The following COL18A1 variants were observed in gnomAD, a reference collection of about 807,000 sequenced individuals.
COL18A1 encodes the protein collagen alpha-1(XVIII) chain.
In COL18A1, 133 loss-of-function variants were observed where a neutral mutation model predicts 168.0. That is an observed-to-expected ratio of 0.79 (90% CI 0.69 to 0.91). The LOEUF is 0.91. Among genes scored for constraint, COL18A1 ranks in the 40% least tolerant of loss-of-function variants. The probability of loss-of-function intolerance (pLI) is 0.00; values close to 1 mark genes in which losing one functional copy is unlikely to be tolerated. For synonymous variants in COL18A1, 949 were observed against 809.0 expected (o/e 1.17, Z -2.94); for missense variants, 2,126 against 1,925.4 (o/e 1.10, Z -1.95).
intron 9 of COL18A1, among the ~76,000 whole-genome samples, chr21:45,479,183 TGTG>T (rs1435971515): frequency 2.2e-5 from 3 of 137,266 alleles, no homozygotes; most frequent in East Asian, 2.1e-4. Context: ...TGCGCGTGTG[TGTG>T]GGGGGGTGAG....
Position 45,468,704 on chromosome 21 carries a change from G to A in COL18A1, c.569G>A (p.Arg190Gln), listed in dbSNP as rs773316683. The change falls in exon 3 of 42, where the codon CGG becomes CAG. Residue 190 changes from arginine (R) to glutamine (Q), a missense_variant. Coordinates refer to ENST00000651438, the MANE Select transcript of COL18A1 (RefSeq NM_001379500.1). The part of the protein sequence containing the change: ...CEEFQRMPLA[R>Q]SSRGLELEPG... The stretch of plus-strand genomic sequence containing the variant: ...GAGTTCCAGAGAATGCCGCTTGCTC[G>A]GTCCTCACGGGGCCTGGAGCTGGAG... 2.0e-5 allele frequency: 33 copies of A among 1,613,038 alleles called. No individual in the cohort carries two copies. The highest frequency in any genetic ancestry group is 3.3e-5 in the Admixed American group (2 of 60,006).
At chr21:45,465,404 G>A (rs2035166667) in intron 2 of COL18A1, among the ~76,000 whole-genome samples, 2 of 152,188 alleles carry the variant, frequency 1.3e-5, no homozygotes, top group African/African-American at 4.8e-5. Context: ...CTGCAGCCTT[G>A]GGATTTGGTG....
intron 2 of COL18A1, among the ~76,000 whole-genome samples, chr21:45,459,709 C>A (rs1602434514): frequency 6.6e-6 from 1 of 152,222 alleles, no homozygotes; most frequent in East Asian, 1.9e-4. Context: ...GGGAGTGAGG[C>A]CCCCTCACAC....
rs1323763309 is a variant in COL18A1, at chr21:45,406,275, A to G, written c.106+802A>G. On this transcript the variant is annotated intron_variant, in intron 2 of 41. Transcript: ENST00000651438. ...GGCCTGGGTGCCTTGTCGCGGGTGG[A>G]ATCCCACCCGGGGGTCCACGCAGCC... 2.0e-5 allele frequency among the ~76,000 whole-genome samples: 3 copies of G among 152,086 alleles called. No individual in the cohort carries two copies. In the East Asian group the frequency reaches 5.8e-4, roughly 30 times the overall value.
At position 45,512,284 on chromosome 21, in the gene COL18A1, G is replaced by A. The variant is rs765311365; in HGVS notation, c.3906G>A (p.Thr1302=). ...GGCGGACGGAGGCTCCCTCGGCCAC[G>A]GGCCAGGCCTCCTCGCTGCTGGGGG... ...ETWRTEAPSA[T]GQASSLLGGR... is the part of the protein sequence containing the mutation. Residue 1302 remains threonine, a synonymous_variant, in exon 42 of 42, where the codon ACG becomes ACA. Coordinates refer to ENST00000651438, the MANE Select transcript of COL18A1 (RefSeq NM_001379500.1). 34 of 1,611,876 alleles carry A rather than the reference G, an allele frequency of 2.1e-5. No homozygotes were observed. Among genetic ancestry groups the A allele is most frequent in the Admixed American group, 1.5e-4 (9 of 59,920 alleles).
chr21:45,416,837 TCCCTCGTTCTGCATA>T (rs2033463294), intron 2 of COL18A1, among the ~76,000 whole-genome samples: 1 of 150,602 alleles, frequency 6.6e-6, no homozygotes, highest in Non-Finnish European at 1.5e-5. Context: ...ACTCTTCCCT[TCCCTCGTTCTGCATA>T]TGCTCGTTCT....
intron 20 of COL18A1, among the ~76,000 whole-genome samples, chr21:45,490,585 C>T (rs1044992761): frequency 0.013 from 1,747 of 134,716 alleles, 18 homozygotes; most frequent in Middle Eastern, 0.042. Context: ...GGTCCCTGGG[C>T]CTCCGTGTGC....
chr21:45,476,935 G>C (rs577741875), intron 6 of COL18A1, among the ~76,000 whole-genome samples: 10 of 151,922 alleles, frequency 6.6e-5, no homozygotes, highest in African/African-American at 1.9e-4. Flanking sequence ...GTGTGTGTGT[G>C]TGTGTGTGTG....
chr21:45,502,922 C>T (rs1485476240), intron 32 of COL18A1: 1 of 152,150 alleles, frequency 6.6e-6, no homozygotes, highest in Non-Finnish European at 1.5e-5. Flanking sequence ...AGTCAATGTA[C>T]CGAAGTCACC....
Position 45,494,552 on chromosome 21 carries a change from C to G in COL18A1, c.2360C>G (p.Pro787Arg). 2 of 1,613,352 alleles carry G rather than the reference C, an allele frequency of 1.2e-6. No homozygotes were observed. Reference sequence around the variant, plus strand: ...TCTTGTTTTTTTGCTCAGGGAGAGCCGGGCTTCCGAGGACCCCCGGTAAGT... The same window carrying G: ...TCTTGTTTTTTTGCTCAGGGAGAGCGGGGCTTCCGAGGACCCCCGGTAAGT... ...GPAQKGAKGE[P>R]GFRGPPGPYG... Residue 787 changes from proline (P) to arginine (R), a missense_variant, in exon 27 of 42, where the codon CCG becomes CGG. By Grantham distance (103) the Pro-to-Arg change is moderately radical. Transcript: ENST00000651438.
At chr21:45,451,425 G>A (rs1412474818) in intron 2 of COL18A1, among the ~76,000 whole-genome samples, 1 of 152,140 alleles carries the variant, frequency 6.6e-6, no homozygotes, top group Non-Finnish European at 1.5e-5. Context: ...AGAGAAAGGG[G>A]CCCCACAGGC....
chr21:45,486,734 G>C, intron 15 of COL18A1, 127 bp from the exon 16 acceptor site: 1 of 1,069,232 alleles, frequency 9.4e-7, no homozygotes, highest in South Asian at 1.5e-5. Flanking sequence ...GCGTTGCTTG[G>C]CAGAATGTTC....
chr21:45,509,231 G>A, intron 38 of COL18A1, 125 bp from the exon 39 acceptor site: 1 of 1,319,596 alleles, frequency 7.6e-7, no homozygotes, highest in Non-Finnish European at 1.0e-6. Context: ...CAGAGTCGGG[G>A]GCGCAGCTCC....
In COL18A1 at chr21:45,512,514, G is replaced by A. The variant is rs909236898; in HGVS notation, c.*116G>A. 5 of 910,230 alleles carry A rather than the reference G, an allele frequency of 5.5e-6. No individual in the cohort carries two copies. Among genetic ancestry groups the A allele is most frequent in the Non-Finnish European group, 3.4e-6 (2 of 580,322 alleles). The allele number at this position is 910,230 out of a possible 1,614,324, so 56.4% of individuals were successfully genotyped here. A position where few individuals can be genotyped will look rare whatever the true frequency, so the allele number is the denominator to read the frequency against. On this transcript the variant is annotated 3_prime_UTR_variant, in exon 42 of 42. Coordinates refer to ENST00000651438, the MANE Select transcript of COL18A1 (RefSeq NM_001379500.1). Reference sequence around the variant, plus strand: ...CAGGACCTGGCTGCCATACTTTCCTGTATAGTTCACGTTTCATGTAATCCT... The same window carrying A: ...CAGGACCTGGCTGCCATACTTTCCTATATAGTTCACGTTTCATGTAATCCT...
intron 2 of COL18A1, among the ~76,000 whole-genome samples, chr21:45,419,428 C>A (rs2033553399): frequency 6.6e-6 from 1 of 152,238 alleles, no homozygotes; most frequent in Non-Finnish European, 1.5e-5. Flanking sequence ...CGCAGGATCG[C>A]CAAGGCCAGG....
At chr21:45,445,565 C>T (rs1330759724) in intron 2 of COL18A1, among the ~76,000 whole-genome samples, 1 of 152,216 alleles carries the variant, frequency 6.6e-6, no homozygotes, top group East Asian at 1.9e-4. Context: ...CATCTCACGT[C>T]CCTTCCTGCA....
intron 2 of COL18A1, among the ~76,000 whole-genome samples, chr21:45,422,201 G>C (rs138538563): frequency 5.3e-5 from 8 of 152,208 alleles, no homozygotes; most frequent in African/African-American, 1.9e-4. Flanking sequence ...GGCACACACA[G>C]GCTCACTGTG....
rs2034876601 is a variant in COL18A1, at chr21:45,457,456, A to AC, written c.107-10785dup. ...TGTCCCCCTCCCCATCCTGAAGCAC[A>AC]CAGCCTCCCTGCCACAGTGGGGGCC... On this transcript the variant is annotated intron_variant, in intron 2 of 41. Coordinates refer to ENST00000651438, the MANE Select transcript of COL18A1 (RefSeq NM_001379500.1). This position sits in a 1 kb window ranked among gnomAD's most constrained non-coding sequence, Gnocchi z 4.6. Among the ~76,000 whole-genome samples, 1 of 152,132 alleles carries AC rather than the reference A, an allele frequency of 6.6e-6. No individual in the cohort carries two copies. The highest frequency in any genetic ancestry group is 2.4e-5 in the African/African-American group (1 of 41,446).
chr21:45,496,979 G>A (rs2036564545), intron 30 of COL18A1, 71 bp from the exon 31 acceptor site: 1 of 1,033,434 alleles, frequency 9.7e-7, no homozygotes, highest in African/African-American at 1.6e-5. Context: ...TGGGCTTGGG[G>A]ACCCCTGAGT....
Sources: gnomAD v4.1 joint callset for allele counts (sites outside exome capture counted in the v4.1 genomes callset) on GRCh38, gnomAD v4.1.1 for gene constraint, Gnocchi (gnomAD v3.1) non-coding constraint, MANE v1.5 for transcripts, NCBI Gene and HGNC (gene_info 2026-07-23, HGNC 2026-07-21) for gene names.